CEP112: variants seen among roughly 807,000 people sequenced by gnomAD.
The protein encoded by CEP112 is centrosomal protein 112.
A neutral mutation model predicts 153.0 loss-of-function variants in CEP112; 127 were observed. That is an observed-to-expected ratio of 0.83 (90% CI 0.72 to 0.96). CEP112 has a LOEUF of 0.96. Among genes scored for constraint, CEP112 ranks in the 40% least tolerant of loss-of-function variants. CEP112 has a pLI of 0.00. For missense variants in CEP112, 1,089 were observed against 1,101.2 expected, an observed-to-expected ratio of 0.99 and a Z score of 0.16; for synonymous variants, 358 against 374.4, an observed-to-expected ratio of 0.96 and a Z score of 0.51.
chr17:65,695,995 A>T (rs2144508941), intron 23 of CEP112, among the ~76,000 whole-genome samples: 1 of 152,352 alleles, frequency 6.6e-6, no homozygotes, highest in East Asian at 1.9e-4. Context: ...AGACATCTGG[A>T]AAAATCCACT....
At chr17:65,778,959 C>A (rs1314245384) in intron 21 of CEP112, among the ~76,000 whole-genome samples, 1 of 151,822 alleles carries the variant, frequency 6.6e-6, no homozygotes, top group East Asian at 1.9e-4. Context: ...ATGATTGCAC[C>A]ACTATACTTC....
chr17:65,690,162 C>T (rs1388913089), intron 23 of CEP112, among the ~76,000 whole-genome samples: 1 of 144,970 alleles, frequency 6.9e-6, no homozygotes, highest in Non-Finnish European at 1.5e-5. Context: ...CAGTGGTTCA[C>T]ATCTGTGATC....
chr17:65,767,831 A>G (rs184474263), intron 21 of CEP112, among the ~76,000 whole-genome samples: 1 of 152,202 alleles, frequency 6.6e-6, no homozygotes, highest in East Asian at 1.9e-4. Context: ...TAAGAAAGAA[A>G]TAGCTTGAAC....
intron 19 of CEP112, chr17:65,903,045 G>C (rs931044448): frequency 6.6e-6 from 1 of 152,210 alleles, no homozygotes; most frequent in South Asian, 2.1e-4. Flanking sequence ...CCTGGTTGCC[G>C]CAGCTTTGAT....
chr17:66,058,838 C>T (rs1216764847), intron 11 of CEP112, among the ~76,000 whole-genome samples: 1 of 152,080 alleles, frequency 6.6e-6, no homozygotes, highest in East Asian at 1.9e-4. Flanking sequence ...GGTGACAGAG[C>T]AAGACCCTGT....
At chr17:65,758,929 G>T (rs747890776) in intron 21 of CEP112, among the ~76,000 whole-genome samples, 5 of 152,146 alleles carry the variant, frequency 3.3e-5, no homozygotes, top group Non-Finnish European at 5.9e-5. Context: ...ATGAGGCGGA[G>T]ACCTACTGAG....
Position 66,146,236 on chromosome 17 carries a change from T to C in CEP112, c.471-13473A>G, listed in dbSNP as rs568683433. 5.9e-5 allele frequency among the ~76,000 whole-genome samples: 9 copies of C among 152,208 alleles called. No individual in the cohort carries two copies. The South Asian group carries it at 1.9e-3, about 32-fold the overall frequency. ...AAAGCCTTAAAGAATTCACCAGTGA[T>C]ACCATCTGGGCTTAAGAGATTTGTG... On this transcript the variant is annotated intron_variant, in intron 4 of 26. Coordinates refer to ENST00000535342, the MANE Select transcript of CEP112 (RefSeq NM_001199165.4).
intron 20 of CEP112, among the ~76,000 whole-genome samples, chr17:65,875,315 T>C (rs2058790553): frequency 6.6e-6 from 1 of 152,112 alleles, no homozygotes; most frequent in Non-Finnish European, 1.5e-5. Context: ...TTCCACTGAA[T>C]GTTTGTTTTA....
chr17:65,927,773 GAC>G (rs1568241553), intron 18 of CEP112, 84 bp from the exon 19 acceptor site: 3 of 778,412 alleles, frequency 3.9e-6, no homozygotes, highest in Non-Finnish European at 5.7e-6. Context: ...TTGTTTAAAT[GAC>G]AGATTTTAAG....
At chr17:66,136,959 T>C (rs1319262553) in intron 4 of CEP112, among the ~76,000 whole-genome samples, 1 of 151,792 alleles carries the variant, frequency 6.6e-6, no homozygotes, top group Non-Finnish European at 1.5e-5. Context: ...TATGCAGACA[T>C]TAACACAAAG....
intron 19 of CEP112, among the ~76,000 whole-genome samples, chr17:65,926,076 C>G (rs1392201639): frequency 2.0e-5 from 3 of 152,202 alleles, no homozygotes; most frequent in Non-Finnish European, 2.9e-5. Flanking sequence ...AGGCAGAGCA[C>G]TGACGACAAA....
At chr17:65,943,999 T>C (rs1163515067) in intron 18 of CEP112, among the ~76,000 whole-genome samples, 1 of 152,230 alleles carries the variant, frequency 6.6e-6, no homozygotes. Context: ...TTTTGAGACT[T>C]GTCGTTGCAT....
chr17:66,086,257 A>G (rs1452188913), intron 8 of CEP112, among the ~76,000 whole-genome samples: 1 of 152,076 alleles, frequency 6.6e-6, no homozygotes, highest in Non-Finnish European at 1.5e-5. Flanking sequence ...CATGCACAAG[A>G]GTTGTTTTAT....
intron 21 of CEP112, among the ~76,000 whole-genome samples, chr17:65,833,612 A>G (rs117367134): frequency 0.027 from 4,036 of 152,252 alleles, 94 homozygotes; most frequent in South Asian, 0.058. Flanking sequence ...TGCCACAAAA[A>G]GAATAAAATA....
intron 19 of CEP112, among the ~76,000 whole-genome samples, chr17:65,916,285 G>GTGTGTGTGTGTGTGTGTGTA (rs1568222913): frequency 8.1e-5 from 12 of 148,420 alleles, no homozygotes; most frequent in East Asian, 7.8e-4. Context: ...GTGTGTGTGT[G>GTGTGTGTGTGTGTGTGTGTA]TGTGTGTATG....
At chr17:66,055,915 T>C (rs1185773332) in intron 11 of CEP112, among the ~76,000 whole-genome samples, 1 of 152,198 alleles carries the variant, frequency 6.6e-6, no homozygotes, top group Admixed American at 6.5e-5. Flanking sequence ...TATTAGTACC[T>C]GCTATGTACC....
At chr17:65,988,209 A>G (rs1402031656) in intron 17 of CEP112, among the ~76,000 whole-genome samples, 3 of 152,210 alleles carry the variant, frequency 2.0e-5, no homozygotes, top group Admixed American at 1.3e-4. Flanking sequence ...GGTGCCATCT[A>G]GTGACAAAAA....
chr17:65,743,364 T>C (rs1305736234), intron 22 of CEP112, 147 bp from the exon 23 acceptor site: 1 of 581,000 alleles, frequency 1.7e-6, no homozygotes, highest in African/African-American at 1.9e-5. Context: ...CACACTATAA[T>C]GCATGAAATA....
At chr17:65,832,537 C>A (rs989702276) in intron 21 of CEP112, among the ~76,000 whole-genome samples, 44 of 152,106 alleles carry the variant, frequency 2.9e-4, no homozygotes, top group African/African-American at 7.5e-4. Context: ...ACTGACCCCA[C>A]AGAAATAAAA....
Sources: gnomAD v4.1 joint callset for allele counts (sites outside exome capture counted in the v4.1 genomes callset) on GRCh38, gnomAD v4.1.1 for gene constraint, MANE v1.5 for transcripts, NCBI Gene and HGNC (gene_info 2026-07-23, HGNC 2026-07-21) for gene names.